The following CORO2B variants were observed in gnomAD, a reference collection of about 807,000 sequenced individuals.
The protein encoded by CORO2B is coronin-2B.
In CORO2B, 26 loss-of-function variants were observed where a neutral mutation model predicts 58.8. That is an observed-to-expected ratio of 0.44 (90% CI 0.32 to 0.61). CORO2B has a LOEUF of 0.61. Among genes scored for constraint, CORO2B ranks in the 20% least tolerant of loss-of-function variants. CORO2B has a pLI of 0.04. For missense variants in CORO2B, 460 were observed against 645.1 expected (o/e 0.71, Z 3.11); for synonymous variants, 242 against 253.8 (o/e 0.95, Z 0.44).
the CORO2B span, among the ~76,000 whole-genome samples, chr15:68,554,232 G>C: frequency 6.6e-6 from 1 of 152,108 alleles, no homozygotes; most frequent in African/African-American, 2.4e-5. Context: ...GAGGTGAGCA[G>C]CTGAAATTGA....
rs558214415 is a variant in CORO2B at position 68,722,273 on chromosome 15, A to C, written c.1311+2721A>C. Among the ~76,000 whole-genome samples, 5 of 150,312 alleles carry C rather than the reference A, an allele frequency of 3.3e-5. No homozygotes were observed. In the East Asian group the frequency reaches 9.9e-4, roughly 30 times the overall value. On this transcript the variant is annotated intron_variant, in intron 11 of 11. Transcript: ENST00000261861. ...GGAAAAGCTTAAAGGGTCTCAGAGC[A>C]GACAAAACAGATGCCACAATCTACA...
chr15:68,722,045 G>A (rs566275171), intron 11 of CORO2B, among the ~76,000 whole-genome samples: 34 of 152,074 alleles, frequency 2.2e-4, no homozygotes, highest in Non-Finnish European at 3.8e-4. Context: ...GAGACACTGC[G>A]CCCAGCTATT....
chr15:68,579,473 C>G (rs1381744054), intron 1 of CORO2B, among the ~76,000 whole-genome samples, 196 bp downstream of exon 1: 2 of 152,042 alleles, frequency 1.3e-5, no homozygotes, highest in East Asian at 1.9e-4. Flanking sequence ...GGGAGGATGC[C>G]GCTCTGGCAG....
chr15:68,618,156 A>G (rs935043553), intron 1 of CORO2B, among the ~76,000 whole-genome samples: 1 of 152,112 alleles, frequency 6.6e-6, no homozygotes, highest in African/African-American at 2.4e-5. Flanking sequence ...ACACAAATAC[A>G]TGTTATATAT....
upstream of CORO2B, among the ~76,000 whole-genome samples, chr15:68,574,102 T>A (rs1281145872): frequency 7.2e-5 from 11 of 152,136 alleles, no homozygotes. Flanking sequence ...GATCTGTGTG[T>A]GCAAGAGCTG....
intron 1 of CORO2B, among the ~76,000 whole-genome samples, chr15:68,641,784 G>A (rs1014251659): frequency 2.0e-5 from 3 of 152,034 alleles, no homozygotes; most frequent in African/African-American, 4.8e-5. Context: ...TAGTGCAGTG[G>A]TGCGACTCAG....
intron 11 of CORO2B, among the ~76,000 whole-genome samples, chr15:68,720,117 A>G (rs57211959): frequency 0.032 from 4,943 of 152,276 alleles, 269 homozygotes; most frequent in African/African-American, 0.11. Context: ...CTCAGCTGGG[A>G]TTCACAGGAT....
chr15:68,671,155 A>G (rs1187434121), intron 2 of CORO2B, among the ~76,000 whole-genome samples: 1 of 152,226 alleles, frequency 6.6e-6, no homozygotes, highest in African/African-American at 2.4e-5. Flanking sequence ...TGGCACAGGA[A>G]AAGGAACCAC....
intron 1 of CORO2B, among the ~76,000 whole-genome samples, chr15:68,606,268 C>T (rs1381030841): frequency 1.3e-5 from 2 of 152,224 alleles, no homozygotes; most frequent in East Asian, 1.9e-4. Context: ...CATGAATGAC[C>T]TCAGGCAAAG....
intron 2 of CORO2B, among the ~76,000 whole-genome samples, chr15:68,682,745 C>G (rs1902831774): frequency 6.6e-6 from 1 of 152,172 alleles, no homozygotes; most frequent in Non-Finnish European, 1.5e-5. Context: ...GGCCACTCAG[C>G]CAGTGTGCAG....
intron 2 of CORO2B, among the ~76,000 whole-genome samples, chr15:68,648,769 G>A (rs1901539788): frequency 2.6e-5 from 4 of 152,314 alleles, no homozygotes; most frequent in Admixed American, 6.5e-5. Context: ...ATTTAAAAGA[G>A]TAATAATCAT....
intron 1 of CORO2B, among the ~76,000 whole-genome samples, chr15:68,616,959 G>T (rs537288618): frequency 5.9e-5 from 9 of 152,356 alleles, no homozygotes; most frequent in African/African-American, 2.2e-4. Context: ...AGGAACTAAA[G>T]TTTACAAACA....
At chr15:68,567,505 A>G in the CORO2B span, among the ~76,000 whole-genome samples, 1 of 152,250 alleles carries the variant, frequency 6.6e-6, no homozygotes, top group East Asian at 1.9e-4. Flanking sequence ...TGCAACTCCC[A>G]ATTCTGTCTC....
intron 2 of CORO2B, among the ~76,000 whole-genome samples, chr15:68,663,815 A>G (rs1238686144): frequency 6.6e-6 from 1 of 152,252 alleles, no homozygotes; most frequent in Non-Finnish European, 1.5e-5. Flanking sequence ...CTACTTTCCC[A>G]GAGTAGTTTC....
rs184751454 is a variant in CORO2B, at chr15:68,694,520, C to T, written c.217-620C>T. Among the ~76,000 whole-genome samples, 5 of 152,308 alleles carry T rather than the reference C, an allele frequency of 3.3e-5. No individual in the cohort carries two copies. The East Asian group carries it at 5.8e-4, about 18-fold the overall frequency. On this transcript the variant is annotated intron_variant, in intron 2 of 11. Transcript: ENST00000261861. ...CTTTCAACCACAGGGCACTGTGTAC[C>T]GGTGTTCAAGATGTACACTGCAGAA...
the CORO2B span, among the ~76,000 whole-genome samples, chr15:68,547,564 A>G: frequency 3.3e-5 from 5 of 152,092 alleles, no homozygotes; most frequent in African/African-American, 9.6e-5. Flanking sequence ...GGATGGTCTC[A>G]ATCTCCTGAC....
At chr15:68,631,478 C>T (rs146213420) in intron 1 of CORO2B, among the ~76,000 whole-genome samples, 103 of 152,282 alleles carry the variant, frequency 6.8e-4, no homozygotes, top group African/African-American at 2.4e-3. Context: ...AGGATTTAAA[C>T]CTGTGTCTGT....
intron 1 of CORO2B, among the ~76,000 whole-genome samples, chr15:68,606,054 G>A (rs1370704503): frequency 6.6e-6 from 1 of 151,784 alleles, no homozygotes. Context: ...GAGCAGCTGG[G>A]TGGGTGAAGC....
chr15:68,704,831 G>A (rs1311233698), intron 3 of CORO2B, among the ~76,000 whole-genome samples: 1 of 152,184 alleles, frequency 6.6e-6, no homozygotes, highest in Non-Finnish European at 1.5e-5. Flanking sequence ...GCTGGAGAGA[G>A]TAGTTTTGCC....
Sources: allele counts gnomAD v4.1 joint callset (sites outside exome capture counted in the v4.1 genomes callset), GRCh38; gene constraint gnomAD v4.1.1; transcripts MANE v1.5; gene names NCBI Gene and HGNC (gene_info 2026-07-23, HGNC 2026-07-21).